The following PRKCE variants were observed in gnomAD, a reference collection of about 807,000 sequenced individuals.
The protein encoded by PRKCE is protein kinase C epsilon, also known as protein kinase C epsilon type.
A neutral mutation model predicts 85.4 loss-of-function variants in PRKCE; 16 were observed. The ratio of observed to expected loss-of-function variants is 0.19; its 90% CI spans 0.13 to 0.28. PRKCE has a LOEUF of 0.28. Among genes scored for constraint, PRKCE ranks in the 10% least tolerant of loss-of-function variants. The pLI, the probability that PRKCE is intolerant of heterozygous loss-of-function variation, is 1.00. For missense variants in PRKCE, 573 were observed against 975.2 expected (o/e 0.59, Z 5.49); for synonymous variants, 388 against 371.5 (o/e 1.04, Z -0.51).
At chr2:45,793,619 C>G (rs1184063642) in intron 1 of PRKCE, among the ~76,000 whole-genome samples, 1 of 152,190 alleles carries the variant, frequency 6.6e-6, no homozygotes, top group African/African-American at 2.4e-5. Context: ...CCTTTGAGTT[C>G]TGTGTGAGCA....
At chr2:45,803,315 C>A (rs1688011277) in intron 1 of PRKCE, among the ~76,000 whole-genome samples, 1 of 152,158 alleles carries the variant, frequency 6.6e-6, no homozygotes, top group African/African-American at 2.4e-5. Context: ...GAAATTAAGT[C>A]CTAGAATAAA....
chr2:45,768,680 T>C (rs573085055), intron 1 of PRKCE, among the ~76,000 whole-genome samples: 1 of 152,358 alleles, frequency 6.6e-6, no homozygotes, highest in African/African-American at 2.4e-5. Flanking sequence ...TTTCTTTCTC[T>C]GTTTATCCAA....
At chr2:46,024,101 G>A (rs765834498) in intron 10 of PRKCE, among the ~76,000 whole-genome samples, 1 of 152,158 alleles carries the variant, frequency 6.6e-6, no homozygotes, top group Non-Finnish European at 1.5e-5. Flanking sequence ...TTAGCCTCCT[G>A]AGGATTGATA....
chr2:45,712,873 T>A (rs1341428230), intron 1 of PRKCE, among the ~76,000 whole-genome samples: 1 of 152,192 alleles, frequency 6.6e-6, no homozygotes, highest in Non-Finnish European at 1.5e-5. Flanking sequence ...CATGTGTCAT[T>A]TATCTTCGTA....
At position 46,030,527 on chromosome 2, in the gene PRKCE, C is replaced by A. The variant is rs141174621; in HGVS notation, c.1437+20010C>A. 1.4e-3 allele frequency among the ~76,000 whole-genome samples: 213 copies of A among 152,242 alleles called. 4 individuals carry two copies. In the East Asian group the frequency reaches 0.033, roughly 24 times the overall value. On this transcript the variant is annotated intron_variant, in intron 10 of 14. Coordinates refer to ENST00000306156, the MANE Select transcript of PRKCE (RefSeq NM_005400.3). ...CATGTGGCTGTTCCACCATGCCCCC[C>A]TCCCTGGGGATTCTGAAGTCCTGTC...
At position 45,987,346 on chromosome 2, in the gene PRKCE, T is replaced by A. The variant is rs61756872; in HGVS notation, c.823+2666T>A. ...CGCATGAGGGCTAGAAGACGAAGGCTGAGACCTGAAGCTCCCCAGCCAAAG... is the reference window on the plus strand; with the variant it reads ...CGCATGAGGGCTAGAAGACGAAGGCAGAGACCTGAAGCTCCCCAGCCAAAG... On this transcript the variant is annotated intron_variant, in intron 6 of 14. Transcript: ENST00000306156. Among the ~76,000 whole-genome samples the A allele has an allele frequency of 4.6e-3, 708 of 152,298 alleles. 3 individuals are homozygous for A. Among genetic ancestry groups the A allele is most frequent in the Non-Finnish European group, 7.2e-3 (489 of 68,012 alleles).
At chr2:45,747,178 T>A (rs568949450) in intron 1 of PRKCE, among the ~76,000 whole-genome samples, 3 of 152,352 alleles carry the variant, frequency 2.0e-5, no homozygotes, top group African/African-American at 7.2e-5. Context: ...TGGGTATTTT[T>A]TTTGCAAATT....
chr2:46,157,720 G>T (rs1192056595), intron 13 of PRKCE, among the ~76,000 whole-genome samples: 1 of 152,230 alleles, frequency 6.6e-6, no homozygotes, highest in Non-Finnish European at 1.5e-5. Context: ...AAACCTCTAT[G>T]TGTATCCCTG....
chr2:46,122,923 A>G (rs1302698237), intron 11 of PRKCE, among the ~76,000 whole-genome samples: 1 of 139,366 alleles, frequency 7.2e-6, no homozygotes, highest in Admixed American at 7.6e-5. Context: ...ACCAACCAGC[A>G]CTAGTCACCA....
At chr2:45,809,560 G>C (rs1275407777) in intron 1 of PRKCE, among the ~76,000 whole-genome samples, 2 of 151,954 alleles carry the variant, frequency 1.3e-5, no homozygotes, top group African/African-American at 4.8e-5. Context: ...ACTTAAAGAA[G>C]ATAAATGTGT....
chr2:45,775,650 T>C (rs919552102), intron 1 of PRKCE, among the ~76,000 whole-genome samples: 2 of 152,136 alleles, frequency 1.3e-5, no homozygotes, highest in Non-Finnish European at 2.9e-5. Context: ...GCCTCTGCCT[T>C]CTCCTACCAG....
intron 2 of PRKCE, among the ~76,000 whole-genome samples, chr2:45,918,172 C>T (rs1425249483): frequency 6.6e-6 from 1 of 152,194 alleles, no homozygotes; most frequent in Admixed American, 6.5e-5. Context: ...AGAGTGGGAG[C>T]CCAGGCAGAG....
chr2:45,764,657 T>C (rs1173692749), intron 1 of PRKCE, among the ~76,000 whole-genome samples: 1 of 152,148 alleles, frequency 6.6e-6, no homozygotes, highest in African/African-American at 2.4e-5. Context: ...TTCTTTTATA[T>C]CATAAATTTG....
At chr2:45,942,657 C>T (rs534043339) in intron 2 of PRKCE, among the ~76,000 whole-genome samples, 1 of 152,320 alleles carries the variant, frequency 6.6e-6, no homozygotes, top group South Asian at 2.1e-4. Context: ...ACAAATTCCT[C>T]TCTTTCCTGT....
At chr2:45,843,194 G>A in intron 2 of PRKCE, 131 bp downstream of exon 2, 2 of 856,040 alleles carry the variant, frequency 2.3e-6, no homozygotes, top group Non-Finnish European at 3.7e-6. Flanking sequence ...AAAGGAAAAG[G>A]TTATTTTGAA....
At position 45,689,645 on chromosome 2, in the gene PRKCE, C is replaced by T. The variant is rs562328678; in HGVS notation, c.348+37197C>T. On this transcript the variant is annotated intron_variant, in intron 1 of 14. Coordinates refer to ENST00000306156, the MANE Select transcript of PRKCE (RefSeq NM_005400.3). ...TGTTTTCCAGCCAGGTGTGGTGGCT[C>T]ACTTCTGTAATTCCAATGCTTTGGG... 1.5e-3 allele frequency among the ~76,000 whole-genome samples: 230 copies of T among 151,990 alleles called. 1 individual carries two copies. Among genetic ancestry groups the T allele is most frequent in the Non-Finnish European group, 2.8e-3 (187 of 67,984 alleles).
chr2:45,766,439 T>C (rs1684915437), intron 1 of PRKCE, among the ~76,000 whole-genome samples: 1 of 152,184 alleles, frequency 6.6e-6, no homozygotes, highest in Non-Finnish European at 1.5e-5. Flanking sequence ...CTCTTCTTTT[T>C]TCCCAGTCTG....
At chr2:45,796,814 C>G (rs1344712752) in intron 1 of PRKCE, among the ~76,000 whole-genome samples, 2 of 152,162 alleles carry the variant, frequency 1.3e-5, no homozygotes, top group African/African-American at 2.4e-5. Context: ...ATGGGGGTCT[C>G]ACTATGTTAC....
chr2:45,773,225 A>G (rs927154147), intron 1 of PRKCE, among the ~76,000 whole-genome samples: 4 of 152,306 alleles, frequency 2.6e-5, no homozygotes, highest in African/African-American at 9.6e-5. Context: ...CACTGTCCCC[A>G]GGAGAAGGGT....
Sources: allele counts gnomAD v4.1 joint callset (sites outside exome capture counted in the v4.1 genomes callset), GRCh38; gene constraint gnomAD v4.1.1; transcripts MANE v1.5; gene names NCBI Gene and HGNC (gene_info 2026-07-23, HGNC 2026-07-21).